Variants in COBLL1 observed in about 807,000 individuals in gnomAD.
The protein encoded by COBLL1 is cordon-bleu protein-like 1.
In COBLL1, 50 loss-of-function variants were observed where a neutral mutation model predicts 94.8. The ratio of observed to expected loss-of-function variants is 0.53; its 90% CI spans 0.42 to 0.67. The LOEUF (loss-of-function observed/expected upper bound fraction) is 0.67. COBLL1 is among the 30% of genes least tolerant of loss of function. The pLI, the probability that COBLL1 is intolerant of heterozygous loss-of-function variation, is 0.00. For synonymous variants in COBLL1, 448 were observed against 473.8 expected, an observed-to-expected ratio of 0.95 and a Z score of 0.71; for missense variants, 1,362 against 1,348.7, an observed-to-expected ratio of 1.01 and a Z score of -0.15.
intron 5 of COBLL1, among the ~76,000 whole-genome samples, chr2:164,726,643 A>G (rs994847165): frequency 6.6e-6 from 1 of 152,150 alleles, no homozygotes; most frequent in African/African-American, 2.4e-5. Context: ...CTTATATGGT[A>G]TAAAAGCTAA....
intron 7 of COBLL1, among the ~76,000 whole-genome samples, chr2:164,716,219 G>T (rs969374625): frequency 6.6e-6 from 1 of 152,072 alleles, no homozygotes; most frequent in Admixed American, 6.6e-5. Flanking sequence ...CAATGTAATC[G>T]AATTTCTGAC....
At position 164,681,727 on chromosome 2, in the gene COBLL1, C is replaced by T. The variant is rs1247351929; in HGVS notation, c.*4219G>A. 6.6e-6 allele frequency: 1 copy of T among 152,180 alleles called. No individual in the cohort carries two copies. The highest frequency in any genetic ancestry group is 1.5e-5 in the Non-Finnish European group (1 of 68,034). The allele number at this position is 152,180 out of a possible 1,614,324, so 9.4% of individuals were successfully genotyped here. ...TTGAAAACTATACATTTGTTTGCAA[C>T]TGTAGCATTTTTTTTCTTCTCCAAG... On this transcript the variant is annotated 3_prime_UTR_variant, in exon 14 of 14. Transcript: ENST00000652658.
At chr2:164,796,726 A>T (rs941265066) in intron 2 of COBLL1, among the ~76,000 whole-genome samples, 1 of 109,462 alleles carries the variant, frequency 9.1e-6, no homozygotes, top group African/African-American at 3.1e-5. Context: ...AAAAAAAAAA[A>T]GGAGAGGGAA....
At chr2:164,738,592 AAG>A (rs2105545869) in intron 3 of COBLL1, among the ~76,000 whole-genome samples, 1 of 152,336 alleles carries the variant, frequency 6.6e-6, no homozygotes, top group Admixed American at 6.5e-5. Flanking sequence ...CATTTCTAGA[AAG>A]GCAAGGAACT....
intron 11 of COBLL1, chr2:164,697,237 A>G (rs1684003538): frequency 6.6e-6 from 1 of 152,154 alleles, no homozygotes; most frequent in Non-Finnish European, 1.5e-5. Flanking sequence ...TGTAATTTTA[A>G]AATGGAACTC....
intron 2 of COBLL1, among the ~76,000 whole-genome samples, chr2:164,837,721 AATATAT>A (rs1196184626): frequency 6.6e-6 from 1 of 152,152 alleles, no homozygotes; most frequent in Non-Finnish European, 1.5e-5. Context: ...ATTACATTTG[AATATAT>A]ATAAAGTTGC....
At chr2:164,663,987 T>G (rs1232194213) in intron 2 of COBLL1, among the ~76,000 whole-genome samples, 1 of 152,238 alleles carries the variant, frequency 6.6e-6, no homozygotes, top group East Asian at 1.9e-4. Context: ...AAATCCTTTT[T>G]GCTTTTACTA....
intron 2 of COBLL1, among the ~76,000 whole-genome samples, chr2:164,660,856 G>A (rs1045724329): frequency 6.6e-6 from 1 of 151,948 alleles, no homozygotes; most frequent in Non-Finnish European, 1.5e-5. Context: ...TTACAAAATG[G>A]GTTTGATTGA....
At chr2:164,667,222 G>A (rs1691174222) in intron 1 of COBLL1, among the ~76,000 whole-genome samples, 1 of 151,950 alleles carries the variant, frequency 6.6e-6, no homozygotes, top group African/African-American at 2.4e-5. Context: ...GTCAACGGTG[G>A]GCTTAAAATA....
intron 2 of COBLL1, among the ~76,000 whole-genome samples, chr2:164,747,555 C>T (rs1686927637): frequency 1.3e-5 from 2 of 152,146 alleles, no homozygotes. Flanking sequence ...ACAATCTCAG[C>T]TCACTGCATC....
chr2:164,696,941 G>C (rs1180513126), intron 11 of COBLL1: 1 of 152,114 alleles, frequency 6.6e-6, no homozygotes, highest in Non-Finnish European at 1.5e-5. Context: ...GGGTCAAACT[G>C]TGAAATTATG....
At chr2:164,737,299 T>C (rs1686357021) in intron 3 of COBLL1, among the ~76,000 whole-genome samples, 1 of 152,176 alleles carries the variant, frequency 6.6e-6, no homozygotes, top group Admixed American at 6.5e-5. Flanking sequence ...TTGTGAATAC[T>C]TTGTCACCCC....
chr2:164,805,319 CTCTCTCTCTCTCTCTCTCTATATA>C (rs1346899341), intron 2 of COBLL1, among the ~76,000 whole-genome samples: 13 of 35,964 alleles, frequency 3.6e-4, no homozygotes, highest in African/African-American at 1.1e-3. Context: ...CTCTCTCTCT[CTCTCTCTCTCTCTCTCTCTATATA>C]TATATATATA....
At chr2:164,822,734 ATATTATTATTATTAT>A (rs199529383) in intron 2 of COBLL1, among the ~76,000 whole-genome samples, 18,286 of 139,490 alleles carry the variant, frequency 0.13, 1,662 homozygotes, top group African/African-American at 0.27. Flanking sequence ...AGATTATATT[ATATTATTATTATTAT>A]TATTATTATT....
chr2:164,756,061 G>A (rs528657594), intron 2 of COBLL1, among the ~76,000 whole-genome samples: 2 of 147,442 alleles, frequency 1.4e-5, no homozygotes, highest in African/African-American at 5.0e-5. Context: ...CAGCATGAGA[G>A]AGAGAGAGAG....
chr2:164,695,408 T>A lies in COBLL1; in HGVS notation c.1984A>T (p.Thr662Ser). The stretch of plus-strand genomic sequence containing the variant: ...GGATCTTCTGAATGTATAATTAGGG[T>A]GCCTTGACTCCTGAATTCCCTTGAG... ...NTSREFRSQG[T>S]LIIHSEDPLT... Residue 662 changes from threonine (T) to serine (S), a missense_variant, in exon 12 of 14, where the codon ACC becomes TCC. Coordinates refer to ENST00000652658, the MANE Select transcript of COBLL1 (RefSeq NM_001365672.2). 1.2e-6 allele frequency: 2 copies of A among 1,613,870 alleles called. No homozygotes were observed. Among genetic ancestry groups the A allele is most frequent in the Non-Finnish European group, 1.7e-6 (2 of 1,179,916 alleles).
intron 2 of COBLL1, among the ~76,000 whole-genome samples, chr2:164,831,013 C>T (rs541299310): frequency 5.0e-4 from 76 of 152,294 alleles, no homozygotes; most frequent in African/African-American, 1.8e-3. Flanking sequence ...CATAGGATCA[C>T]AAGCATTTAA....
intron 13 of COBLL1, among the ~76,000 whole-genome samples, chr2:164,688,498 G>C (rs773739932): frequency 1.3e-5 from 2 of 151,962 alleles, no homozygotes; most frequent in Non-Finnish European, 2.9e-5. Context: ...TTATAATACA[G>C]ATACTTAAAA....
intron 11 of COBLL1, chr2:164,696,765 C>G (rs536761980): frequency 6.6e-6 from 1 of 152,366 alleles, no homozygotes; most frequent in East Asian, 1.9e-4. Context: ...GGTTTGGAGT[C>G]TGCACCATGT....
Sources: allele counts gnomAD v4.1 joint callset (sites outside exome capture counted in the v4.1 genomes callset), GRCh38; gene constraint gnomAD v4.1.1; transcripts MANE v1.5; gene names NCBI Gene and HGNC (gene_info 2026-07-23, HGNC 2026-07-21).